Variants in CADM2 observed in about 807,000 individuals in gnomAD.
CADM2 encodes the protein cell adhesion molecule 2, also known as immunoglobulin superfamily member 4D.
In CADM2, 12 loss-of-function variants were observed where a neutral mutation model predicts 49.8. That is an observed-to-expected ratio of 0.24 (90% CI 0.15 to 0.39). The LOEUF is 0.39. CADM2 is among the 10% of genes least tolerant of loss of function. CADM2 has a pLI of 1.00. For missense variants in CADM2, 378 were observed against 492.3 expected (o/e 0.77, Z 2.20); for synonymous variants, 214 against 175.4 (o/e 1.22, Z -1.74).
rs534048559 is a variant in CADM2, at chr3:85,199,605, T to A, written c.61+239937T>A. ...AAATGTTTCTTGAATGCAGGCAAATTGAATTTATAAATCTCTAGTATATGT... is the reference window on the plus strand; with the variant it reads ...AAATGTTTCTTGAATGCAGGCAAATAGAATTTATAAATCTCTAGTATATGT... On this transcript the variant is annotated intron_variant, in intron 1 of 9. Coordinates refer to ENST00000383699, the MANE Select transcript of CADM2 (RefSeq NM_001167675.2). Among the ~76,000 whole-genome samples, 96 of 152,060 alleles carry A rather than the reference T, an allele frequency of 6.3e-4. No individual in the cohort carries two copies. In the South Asian group the frequency reaches 9.3e-3, roughly 15 times the overall value.
intron 2 of CADM2, among the ~76,000 whole-genome samples, chr3:85,791,079 T>G (rs1009947578): frequency 6.6e-6 from 1 of 152,204 alleles, no homozygotes; most frequent in Non-Finnish European, 1.5e-5. Flanking sequence ...ATAAAATGAT[T>G]TTTAAAAATG....
intron 1 of CADM2, among the ~76,000 whole-genome samples, chr3:85,431,741 A>G (rs565260875): frequency 1.3e-5 from 2 of 150,976 alleles, no homozygotes; most frequent in South Asian, 2.1e-4. Flanking sequence ...AAGGGGTTGT[A>G]GGTGGAAAGT....
intron 1 of CADM2, among the ~76,000 whole-genome samples, chr3:85,105,159 A>C (rs1250670017): frequency 6.6e-6 from 1 of 152,106 alleles, no homozygotes; most frequent in Non-Finnish European, 1.5e-5. Flanking sequence ...GGAACAGGCA[A>C]CCTACAAAAT....
intron 1 of CADM2, among the ~76,000 whole-genome samples, chr3:85,156,430 G>A (rs2040125296): frequency 6.6e-6 from 1 of 152,122 alleles, no homozygotes; most frequent in African/African-American, 2.4e-5. Context: ...CCAGGAAGAA[G>A]TTGAATCTCT....
intron 1 of CADM2, among the ~76,000 whole-genome samples, chr3:85,282,175 T>C (rs2043516118): frequency 6.6e-6 from 1 of 151,536 alleles, no homozygotes; most frequent in South Asian, 2.1e-4. Flanking sequence ...CAAGAAAATC[T>C]GTCATTTTTT....
intron 5 of CADM2, among the ~76,000 whole-genome samples, chr3:85,910,687 A>G (rs568098581): frequency 5.3e-5 from 8 of 152,222 alleles, no homozygotes; most frequent in African/African-American, 1.9e-4. Context: ...TCTAAATGTT[A>G]GAGATTTTCT....
intron 1 of CADM2, among the ~76,000 whole-genome samples, chr3:85,056,006 C>T (rs2036065911): frequency 6.6e-6 from 1 of 152,048 alleles, no homozygotes; most frequent in South Asian, 2.1e-4. Flanking sequence ...GTTAAGGGCT[C>T]TTCATGTCTC....
At chr3:85,422,559 G>A (rs947254895) in intron 1 of CADM2, among the ~76,000 whole-genome samples, 1 of 152,156 alleles carries the variant, frequency 6.6e-6, no homozygotes, top group African/African-American at 2.4e-5. Context: ...TTACAGGCAT[G>A]AGCCACCTCA....
At chr3:84,999,733 G>A (rs2033360888) in intron 1 of CADM2, among the ~76,000 whole-genome samples, 1 of 152,100 alleles carries the variant, frequency 6.6e-6, no homozygotes, top group Non-Finnish European at 1.5e-5. Flanking sequence ...TGAAAGCACT[G>A]CAAGTATTGG....
At chr3:85,803,630 A>T (rs1488853502) in intron 3 of CADM2, among the ~76,000 whole-genome samples, 1 of 152,112 alleles carries the variant, frequency 6.6e-6, no homozygotes, top group African/African-American at 2.4e-5. Flanking sequence ...CTGGAGACCC[A>T]AAGAGATTCT....
intron 7 of CADM2, among the ~76,000 whole-genome samples, chr3:85,952,247 A>T (rs901296469): frequency 6.6e-6 from 1 of 150,644 alleles, no homozygotes; most frequent in Non-Finnish European, 1.5e-5. Context: ...TTTTGAAATA[A>T]TTTTTTTCTT....
At position 85,110,811 on chromosome 3, in the gene CADM2, C is replaced by T. The variant is rs111580221; in HGVS notation, c.61+151143C>T. On this transcript the variant is annotated intron_variant, in intron 1 of 9. Coordinates refer to ENST00000383699, the MANE Select transcript of CADM2 (RefSeq NM_001167675.2). ...ATAATAGGAGGGCAAAGAAGGAAGGCCGAGGAAGAAGGAAGGATCTCAGCG... is the reference window on the plus strand; with the variant it reads ...ATAATAGGAGGGCAAAGAAGGAAGGTCGAGGAAGAAGGAAGGATCTCAGCG... 4.1e-3 allele frequency among the ~76,000 whole-genome samples: 627 copies of T among 151,684 alleles called. 8 individuals are homozygous for T. The highest frequency in any genetic ancestry group is 0.014 in the African/African-American group (595 of 41,462).
At chr3:85,390,712 A>T (rs548454318) in intron 1 of CADM2, among the ~76,000 whole-genome samples, 2 of 152,220 alleles carry the variant, frequency 1.3e-5, no homozygotes, top group South Asian at 4.1e-4. Flanking sequence ...GTTCATAGCC[A>T]ACACATAAAT....
At chr3:85,084,777 A>G (rs1286673823) in intron 1 of CADM2, among the ~76,000 whole-genome samples, 2 of 152,168 alleles carry the variant, frequency 1.3e-5, no homozygotes, top group African/African-American at 4.8e-5. Context: ...GCTTTGTTTC[A>G]ATGAATGGAT....
intron 1 of CADM2, among the ~76,000 whole-genome samples, chr3:85,545,706 A>G (rs11127902): frequency 0.21 from 31,368 of 152,016 alleles, 3,837 homozygotes; most frequent in East Asian, 0.3. Context: ...ACCCTGCTGC[A>G]CTCTGAAACA....
In CADM2 at chr3:84,959,271, C is replaced by G; in HGVS notation, c.-337C>G. The G allele has an allele frequency of 2.1e-6, 1 of 469,184 alleles. No individual in the cohort carries two copies. Among genetic ancestry groups the G allele is most frequent in the East Asian group, 4.3e-5 (1 of 23,370 alleles). 29.1% of individuals were successfully genotyped at this position (469,184 alleles called of 1,614,324 possible). A position where few individuals can be genotyped will look rare whatever the true frequency, so the allele number is the denominator to read the frequency against. On this transcript the variant is annotated 5_prime_UTR_variant, in exon 1 of 10. Coordinates refer to ENST00000383699, the MANE Select transcript of CADM2 (RefSeq NM_001167675.2). ...CACCCCGGCATCCCTGCACCACCTG[C>G]TCGGGCAGCCCCGGCGGGCTCTGGG...
chr3:85,485,510 C>T (rs1019543039), intron 1 of CADM2, among the ~76,000 whole-genome samples: 1 of 151,890 alleles, frequency 6.6e-6, no homozygotes, highest in Non-Finnish European at 1.5e-5. Flanking sequence ...AAGAATAAAT[C>T]AAACTCATCG....
intron 8 of CADM2, among the ~76,000 whole-genome samples, chr3:85,991,132 C>A (rs1728727645): frequency 6.6e-6 from 1 of 152,074 alleles, no homozygotes; most frequent in Admixed American, 6.6e-5. Context: ...AAAATCTGTA[C>A]AAACACAGCT....
chr3:86,004,952 C>T (rs1156619921), intron 8 of CADM2, among the ~76,000 whole-genome samples: 1 of 152,116 alleles, frequency 6.6e-6, no homozygotes, highest in African/African-American at 2.4e-5. Flanking sequence ...CTCCCTAAAG[C>T]CCCTCTCATA....
Sources: allele counts gnomAD v4.1 joint callset (sites outside exome capture counted in the v4.1 genomes callset), GRCh38; gene constraint gnomAD v4.1.1; transcripts MANE v1.5; gene names NCBI Gene and HGNC (gene_info 2026-07-23, HGNC 2026-07-21).